The following GAPVD1 variants were observed in gnomAD, a reference collection of about 807,000 sequenced individuals.
The protein encoded by GAPVD1 is GTPase activating protein and VPS9 domains 1.
In GAPVD1, 35 loss-of-function variants were observed where a neutral mutation model predicts 155.5. The ratio of observed to expected loss-of-function variants is 0.23; its 90% CI spans 0.17 to 0.30. The LOEUF (loss-of-function observed/expected upper bound fraction) is 0.30. Ranked by LOEUF, GAPVD1 falls within the 10% of genes least tolerant of loss-of-function variation. The pLI is 1.00. For synonymous variants in GAPVD1, 636 were observed against 619.7 expected (o/e 1.03, Z -0.39); for missense variants, 1,429 against 1,775.7 (o/e 0.80, Z 3.51).
At chr9:125,272,879 C>T (rs1835145140) in intron 2 of GAPVD1, among the ~76,000 whole-genome samples, 1 of 152,090 alleles carries the variant, frequency 6.6e-6, no homozygotes, top group South Asian at 2.1e-4. Flanking sequence ...ACAGGCTTTA[C>T]CAGTATTACA....
intron 2 of GAPVD1, among the ~76,000 whole-genome samples, chr9:125,274,057 G>A (rs1436807551): frequency 6.6e-6 from 1 of 151,768 alleles, no homozygotes; most frequent in African/African-American, 2.4e-5. Context: ...GCCTGCACTT[G>A]GCCAGGCTGG....
chr9:125,279,441 C>T (rs577772872), intron 2 of GAPVD1, among the ~76,000 whole-genome samples: 4 of 151,194 alleles, frequency 2.6e-5, no homozygotes, highest in Admixed American at 2.6e-4. Context: ...TGTGGTGGCA[C>T]ACGCCTGTAA....
intron 2 of GAPVD1, among the ~76,000 whole-genome samples, chr9:125,285,256 A>G (rs1365372053): frequency 6.6e-6 from 1 of 152,162 alleles, no homozygotes; most frequent in Non-Finnish European, 1.5e-5. Context: ...CAGGCTAAAT[A>G]TGACCTGAAA....
chr9:125,274,756 C>T (rs914175374), intron 2 of GAPVD1, among the ~76,000 whole-genome samples: 3 of 152,292 alleles, frequency 2.0e-5, no homozygotes, highest in South Asian at 2.1e-4. Context: ...GCCACTGTGC[C>T]TGGCCGCTTT....
chr9:125,297,699 C>G (rs934290541), intron 3 of GAPVD1, among the ~76,000 whole-genome samples: 13 of 152,148 alleles, frequency 8.5e-5, no homozygotes, highest in African/African-American at 2.9e-4. Context: ...GAAATAAAGC[C>G]TGTGGATGGT....
At chr9:125,339,125 GCATGCACCA>G (rs1319302186) in intron 17 of GAPVD1, among the ~76,000 whole-genome samples, 5 of 152,078 alleles carry the variant, frequency 3.3e-5, no homozygotes, top group African/African-American at 1.2e-4. Context: ...GGGAGTATAG[GCATGCACCA>G]CATGCCTGGC....
chr9:125,328,803 G>A (rs1430802542), intron 12 of GAPVD1, among the ~76,000 whole-genome samples: 2 of 149,748 alleles, frequency 1.3e-5, no homozygotes, highest in Non-Finnish European at 3.0e-5. Flanking sequence ...CTCACCTCCC[G>A]GACGAGGCGG....
At chr9:125,294,288 G>A (rs1448608975) in intron 2 of GAPVD1, among the ~76,000 whole-genome samples, 3 of 149,678 alleles carry the variant, frequency 2.0e-5, no homozygotes, top group Admixed American at 6.7e-5. Context: ...TGATCCACCC[G>A]CCTCCACCTC....
intron 8 of GAPVD1, chr9:125,308,584 C>T (rs903321033): frequency 2.0e-5 from 3 of 151,764 alleles, no homozygotes; most frequent in African/African-American, 7.3e-5. Flanking sequence ...TTTAATTAAG[C>T]CTTATTTGCT....
In GAPVD1 at chr9:125,330,154, T is replaced by C. The variant is rs572659635; in HGVS notation, c.2109T>C (p.Thr703=). The change falls in exon 13 of 28, where the codon ACT becomes ACC. Residue 703 remains threonine, a synonymous_variant. Transcript: ENST00000297933. ...GGTCAGTGCTTCTTGACCCCTGCAC[T>C]GGTTCTACCATATCAGAGACAACAA... ...GSGSVLLDPC[T]GSTISETTSE... is the part of the protein sequence containing the mutation. 2.0e-5 allele frequency: 32 copies of C among 1,612,610 alleles called. No homozygotes were observed. The East Asian group carries it at 6.5e-4, about 33-fold the overall frequency.
chr9:125,328,211 TA>T (rs1224431783), intron 12 of GAPVD1, among the ~76,000 whole-genome samples: 6 of 149,000 alleles, frequency 4.0e-5, no homozygotes, highest in Admixed American at 6.7e-5. Context: ...TTTTTAAATT[TA>T]TTTTTTTATT....
chr9:125,339,719 C>T (rs1454446606), intron 17 of GAPVD1, among the ~76,000 whole-genome samples: 1 of 152,224 alleles, frequency 6.6e-6, no homozygotes, highest in East Asian at 1.9e-4. Flanking sequence ...CCAAACACAA[C>T]AGAGTTTGTT....
intron 2 of GAPVD1, among the ~76,000 whole-genome samples, chr9:125,289,312 C>G (rs1838227292): frequency 6.6e-6 from 1 of 152,124 alleles, no homozygotes; most frequent in African/African-American, 2.4e-5. Context: ...CAGGCTTACT[C>G]TGGCTGCTGT....
At chr9:125,341,114 T>A (rs1454078151) in intron 17 of GAPVD1, 63 bp from the exon 18 acceptor site, 2 of 871,560 alleles carry the variant, frequency 2.3e-6, no homozygotes, top group Non-Finnish European at 2.0e-6. Context: ...CAAAAAGAAA[T>A]CCTTTTCTTA....
At chr9:125,355,602 G>T (rs777195505) in intron 24 of GAPVD1, 42 bp from the exon 25 acceptor site, 38 of 1,173,374 alleles carry the variant, frequency 3.2e-5, no homozygotes, top group Middle Eastern at 2.9e-4. Context: ...TATTTAGATA[G>T]TTTTTATTAA....
chr9:125,280,792 G>T (rs1233721160), intron 2 of GAPVD1, among the ~76,000 whole-genome samples: 4 of 151,860 alleles, frequency 2.6e-5, no homozygotes, highest in African/African-American at 9.7e-5. Context: ...AGCCAGGATG[G>T]TGTCAATCTC....
At chr9:125,309,460 C>T (rs1842336184) in intron 8 of GAPVD1, among the ~76,000 whole-genome samples, 2 of 151,932 alleles carry the variant, frequency 1.3e-5, no homozygotes, top group South Asian at 4.1e-4. Context: ...TCAGCCTCCC[C>T]AGTAGCTGGG....
intron 9 of GAPVD1, among the ~76,000 whole-genome samples, chr9:125,315,716 C>T (rs560044404): frequency 6.6e-6 from 1 of 151,964 alleles, no homozygotes; most frequent in Non-Finnish European, 1.5e-5. Context: ...GCATACAGAT[C>T]CAAATGCTTA....
At chr9:125,263,573 T>C in intron 1 of GAPVD1, 4 of 1,333,696 alleles carry the variant, frequency 3.0e-6, no homozygotes, top group Non-Finnish European at 3.2e-6. Context: ...AAAAGAATCC[T>C]CTCCAATTTT....
Sources: gnomAD v4.1 joint callset for allele counts (sites outside exome capture counted in the v4.1 genomes callset) on GRCh38, gnomAD v4.1.1 for gene constraint, MANE v1.5 for transcripts, NCBI Gene and HGNC (gene_info 2026-07-23, HGNC 2026-07-21) for gene names.